TSPAN4: variants seen among roughly 807,000 people sequenced by gnomAD.
TSPAN4 encodes tetraspanin-4.
Under a neutral mutation model 31.5 loss-of-function variants are expected in TSPAN4, and 38 were observed. That is an observed-to-expected ratio of 1.21 (90% CI 0.93 to 1.58). The LOEUF is 1.58. Ranked by LOEUF, TSPAN4 falls within the 40% of genes most tolerant of loss-of-function variation. The pLI is 0.00. For missense variants in TSPAN4, 330 were observed against 317.3 expected (o/e 1.04, Z -0.30); for synonymous variants, 186 against 144.6 (o/e 1.29, Z -2.06).
In TSPAN4 at chr11:866,920, T is replaced by G. The variant is rs10492; in HGVS notation, c.*290T>G. The stretch of plus-strand genomic sequence containing the variant: ...TATATTTACGTATTCTCCAAAGCAG[T>G]GTTCACACGGGAGCCAGCCTGTGGC... On this transcript the variant is annotated 3_prime_UTR_variant, in exon 9 of 9. Coordinates refer to ENST00000397397, the MANE Select transcript of TSPAN4 (RefSeq NM_003271.5). 48,245 of 320,708 alleles carry G rather than the reference T, an allele frequency of 0.15. 4,702 individuals are homozygous for G. The highest frequency in any genetic ancestry group is 0.19 in the Non-Finnish European group (32,958 of 172,972). The allele number at this position is 320,708 out of a possible 1,614,324, so 19.9% of individuals were successfully genotyped here. A position where few individuals can be genotyped will look rare whatever the true frequency, so the allele number is the denominator to read the frequency against.
chr11:856,352 C>T (rs976823273), intron 3 of TSPAN4, among the ~76,000 whole-genome samples: 11 of 151,432 alleles, frequency 7.3e-5, no homozygotes, highest in African/African-American at 2.7e-4. Context: ...CACGCAGGTC[C>T]TGGGGACAGG....
intron 3 of TSPAN4, among the ~76,000 whole-genome samples, chr11:860,424 C>T (rs2134047509): frequency 6.6e-6 from 1 of 152,346 alleles, no homozygotes; most frequent in African/African-American, 2.4e-5. Flanking sequence ...CAACCTCCAG[C>T]CTGGCGCTGG....
chr11:854,934 G>A (rs972026670), intron 3 of TSPAN4, among the ~76,000 whole-genome samples: 4 of 152,224 alleles, frequency 2.6e-5, no homozygotes, highest in African/African-American at 7.2e-5. Flanking sequence ...TCAATTGTTC[G>A]GAAACAATCC....
chr11:864,708 G>A (rs965200932), intron 5 of TSPAN4, 197 bp downstream of exon 5: 310 of 665,586 alleles, frequency 4.7e-4, no homozygotes, highest in Middle Eastern at 4.1e-4. Context: ...GCTCTATAGC[G>A]ACTGGGGCAC....
chr11:847,631 C>T (rs897280746), intron 2 of TSPAN4, among the ~76,000 whole-genome samples: 4 of 151,520 alleles, frequency 2.6e-5, no homozygotes, highest in East Asian at 1.9e-4. Flanking sequence ...AACCCCGCTC[C>T]TCCTGACCCT....
chr11:857,552 GC>G (rs2134028320), intron 3 of TSPAN4: 1 of 152,304 alleles, frequency 6.6e-6, no homozygotes, highest in Non-Finnish European at 1.5e-5. Flanking sequence ...ACAGGTGCCT[GC>G]CACCACGCCC....
At chr11:844,706 T>TGGG (rs772515493) in intron 1 of TSPAN4, 14 of 31,114 alleles carry the variant, frequency 4.5e-4, no homozygotes, top group South Asian at 1.3e-3. Context: ...GCCTGGCTTC[T>TGGG]GGGGGGGGGG....
chr11:857,188 C>T (rs896654596), intron 3 of TSPAN4: 1 of 152,146 alleles, frequency 6.6e-6, no homozygotes, highest in Non-Finnish European at 1.5e-5. Context: ...TGGGAGGGGC[C>T]CAGGGCTGGA....
chr11:865,244 C>T (rs1031854976), intron 5 of TSPAN4: 10 of 494,538 alleles, frequency 2.0e-5, no homozygotes, highest in South Asian at 1.2e-4. Flanking sequence ...TGTCCCGATA[C>T]GTGGAGGCAC....
chr11:851,277 G>T (rs977918568), intron 3 of TSPAN4, among the ~76,000 whole-genome samples: 1 of 152,212 alleles, frequency 6.6e-6, no homozygotes, highest in Non-Finnish European at 1.5e-5. Context: ...TTGCTGGCTG[G>T]GCTGGGGGAG....
intron 1 of TSPAN4, among the ~76,000 whole-genome samples, chr11:846,622 C>A (rs1036070823): frequency 2.0e-5 from 3 of 151,220 alleles, no homozygotes; most frequent in African/African-American, 7.4e-5. Context: ...AGGACAGACT[C>A]CCCAGCCTGG....
intron 4 of TSPAN4, chr11:863,389 G>C (rs930327726): frequency 1.3e-5 from 2 of 152,298 alleles, no homozygotes; most frequent in Non-Finnish European, 2.9e-5. Flanking sequence ...CGAGGCTTCC[G>C]ATCACTCCTT....
chr11:857,513 C>G (rs1848128551), intron 3 of TSPAN4: 1 of 149,512 alleles, frequency 6.7e-6, no homozygotes, highest in Admixed American at 6.8e-5. Flanking sequence ...CGCCATTCTC[C>G]TGCCTCAGCC....
At chr11:845,471 C>T (rs1847265906) in intron 1 of TSPAN4, among the ~76,000 whole-genome samples, 1 of 152,170 alleles carries the variant, frequency 6.6e-6, no homozygotes, top group South Asian at 2.1e-4. Flanking sequence ...ACCCTAGCCT[C>T]ACCACTCATA....
In TSPAN4 at chr11:848,923, G is replaced by A. The variant is rs923879116; in HGVS notation, c.-17-1365G>A. On this transcript the variant is annotated intron_variant, in intron 2 of 8. Coordinates refer to ENST00000397397, the MANE Select transcript of TSPAN4 (RefSeq NM_003271.5). The surrounding 1 kb of genome is among the most constrained non-coding windows in gnomAD (Gnocchi z 5.7). ...CACCCAGGAGTGCAGGCACATCTGC[G>A]CACGGGGCCGGTATGTCTGTACCTG... 1 of 713,982 alleles carries A rather than the reference G, an allele frequency of 1.4e-6. No individual in the cohort carries two copies. The highest frequency in any genetic ancestry group is 2.6e-6 in the Non-Finnish European group (1 of 383,484). The allele number at this position is 713,982 out of a possible 1,614,324, so 44.2% of individuals were successfully genotyped here.
chr11:846,007 A>G (rs1212789186), intron 1 of TSPAN4, among the ~76,000 whole-genome samples: 3 of 152,144 alleles, frequency 2.0e-5, no homozygotes. Context: ...GGGGCCCCGC[A>G]GGGGCTGAGG....
At chr11:850,610 CCCTCTCCTCT>C (rs147749431) in intron 3 of TSPAN4, among the ~76,000 whole-genome samples, 15 of 152,148 alleles carry the variant, frequency 9.9e-5, no homozygotes, top group East Asian at 5.9e-4. Flanking sequence ...CGCCCTGGTC[CCCTCTCCTCT>C]CCTCTCCTCT....
chr11:855,894 G>A (rs1043534965), intron 3 of TSPAN4, among the ~76,000 whole-genome samples: 12 of 152,288 alleles, frequency 7.9e-5, no homozygotes, highest in South Asian at 4.1e-4. Context: ...TTCCAAGGAC[G>A]TGGCTGGCAG....
Position 848,956 on chromosome 11 carries a change from G to T in TSPAN4, c.-17-1332G>T, listed in dbSNP as rs893209969. 2.9e-6 allele frequency: 2 copies of T among 689,786 alleles called. No individual in the cohort carries two copies. The highest frequency in any genetic ancestry group is 5.4e-6 in the Non-Finnish European group (2 of 371,656). The allele number at this position is 689,786 out of a possible 1,614,324, so 42.7% of individuals were successfully genotyped here. The stretch of plus-strand genomic sequence containing the variant: ...CCGGTATGTCTGTACCTGTCAAGGG[G>T]TGGGGTGGGGTCTTTTACAGGCTGA... On this transcript the variant is annotated intron_variant, in intron 2 of 8. Coordinates refer to ENST00000397397, the MANE Select transcript of TSPAN4 (RefSeq NM_003271.5). This position sits in a 1 kb window ranked among gnomAD's most constrained non-coding sequence, Gnocchi z 5.7.
Sources: gnomAD v4.1 joint callset for allele counts (sites outside exome capture counted in the v4.1 genomes callset) on GRCh38, gnomAD v4.1.1 for gene constraint, Gnocchi (gnomAD v3.1) non-coding constraint, MANE v1.5 for transcripts, NCBI Gene and HGNC (gene_info 2026-07-23, HGNC 2026-07-21) for gene names.